Variants in PPP1R1C observed in about 807,000 individuals in gnomAD.
PPP1R1C encodes protein phosphatase 1 regulatory inhibitor subunit 1C.
Under a neutral mutation model 17.4 loss-of-function variants are expected in PPP1R1C, and 15 were observed. The observed-to-expected ratio is 0.86, with a 90% confidence interval of 0.58 to 1.33. The LOEUF (loss-of-function observed/expected upper bound fraction) is 1.33, where lower values mean the gene tolerates loss of function less well. Among genes scored for constraint, PPP1R1C ranks in the 40% most tolerant of loss-of-function variants. PPP1R1C has a pLI of 0.00. For missense variants in PPP1R1C, 143 were observed against 130.0 expected, an observed-to-expected ratio of 1.10 and a Z score of -0.48; for synonymous variants, 35 against 43.1, an observed-to-expected ratio of 0.81 and a Z score of 0.73.
intron 4 of PPP1R1C, among the ~76,000 whole-genome samples, chr2:182,083,493 T>G (rs1181447995): frequency 1.3e-5 from 2 of 152,210 alleles, no homozygotes; most frequent in South Asian, 2.1e-4. Flanking sequence ...TAGCTCCCTC[T>G]TGTAATCAGG....
chr2:182,018,683 T>C (rs1043492215), intron 2 of PPP1R1C, among the ~76,000 whole-genome samples: 6 of 152,198 alleles, frequency 3.9e-5, no homozygotes, highest in Non-Finnish European at 8.8e-5. Flanking sequence ...TAAATGAGGT[T>C]CAGTCTTGCA....
intron 2 of PPP1R1C, among the ~76,000 whole-genome samples, chr2:182,004,376 C>T (rs1685854001): frequency 6.6e-6 from 1 of 152,112 alleles, no homozygotes; most frequent in African/African-American, 2.4e-5. Context: ...GTTGAGGATT[C>T]ACAATGAAAG....
chr2:182,076,181 CTTTTTTTTTTCTTTTCTTTTTTTTTTTT>C (rs1373708635), intron 4 of PPP1R1C, among the ~76,000 whole-genome samples: 810 of 47,498 alleles, frequency 0.017, 47 homozygotes, highest in Admixed American at 0.088. Context: ...GGATTTTGAA[CTTTTTTTTTTCTTTTCTTTTTTTTTTTT>C]TTTTTTTTTT....
At chr2:182,038,100 T>C (rs138338217) in intron 2 of PPP1R1C, among the ~76,000 whole-genome samples, 3,201 of 152,212 alleles carry the variant, frequency 0.021, 36 homozygotes, top group Non-Finnish European at 0.031. Flanking sequence ...TGCAGTGGCC[T>C]GATCATGGCT....
chr2:182,026,827 T>C (rs1336681523), intron 2 of PPP1R1C, among the ~76,000 whole-genome samples: 17 of 151,000 alleles, frequency 1.1e-4, no homozygotes, highest in East Asian at 5.8e-4. Flanking sequence ...CGATATTGAT[T>C]CTTCCTACCC....
intron 1 of PPP1R1C, among the ~76,000 whole-genome samples, chr2:181,963,005 T>C (rs1684831269): frequency 1.3e-5 from 2 of 152,164 alleles, no homozygotes; most frequent in African/African-American, 4.8e-5. Flanking sequence ...AGACTCTAAA[T>C]AAAAGTTATT....
At chr2:181,965,311 A>G (rs1302480813) in intron 1 of PPP1R1C, among the ~76,000 whole-genome samples, 1 of 152,016 alleles carries the variant, frequency 6.6e-6, no homozygotes, top group Non-Finnish European at 1.5e-5. Flanking sequence ...ATGTGATCCT[A>G]TTTATCCATT....
In PPP1R1C at chr2:182,117,520, A is replaced by T. The variant is rs188284442; in HGVS notation, c.*225A>T. 1.6e-3 allele frequency: 660 copies of T among 420,516 alleles called. 4 individuals carry two copies. The highest frequency in any genetic ancestry group is 3.4e-4 in the Non-Finnish European group (79 of 233,484). 26.0% of individuals were successfully genotyped at this position (420,516 alleles called of 1,614,324 possible). A position where few individuals can be genotyped will look rare whatever the true frequency, so the allele number is the denominator to read the frequency against. On this transcript the variant is annotated 3_prime_UTR_variant, in exon 5 of 5. Coordinates refer to ENST00000682840, the MANE Select transcript of PPP1R1C (RefSeq NM_001080545.3). ...ATTAAAGAATAAGCATTTATTTTACAGTGATTCTTCTTTTTAACTATGTAA... is the reference window on the plus strand; with the variant it reads ...ATTAAAGAATAAGCATTTATTTTACTGTGATTCTTCTTTTTAACTATGTAA...
At chr2:182,086,091 A>G (rs966019063) in intron 4 of PPP1R1C, among the ~76,000 whole-genome samples, 75 of 152,288 alleles carry the variant, frequency 4.9e-4, no homozygotes, top group African/African-American at 1.6e-3. Flanking sequence ...AAACATGAGA[A>G]ACAGGATTAT....
rs1684816022 is a variant in PPP1R1C at position 181,962,379 on chromosome 2, TG to T, written n.111+7747del. On this transcript the variant is annotated intron_variant and non_coding_transcript_variant, in intron 1 of 5. Transcript: ENST00000464264. This position sits in a 1 kb window ranked among gnomAD's most constrained non-coding sequence, Gnocchi z 6.0. ...GAGCCCCCGGCGCCTGCATAGACGC[TG>T]GCCATGCAGCTGGCCGGCCGGGCGC... is the stretch of plus-strand genomic sequence containing the variant. 1 of 855,122 alleles carries T rather than the reference TG, an allele frequency of 1.2e-6. No homozygotes were observed. Among genetic ancestry groups the T allele is most frequent in the Admixed American group, 1.9e-5 (1 of 53,214 alleles). The allele number at this position is 855,122 out of a possible 1,614,324, so 53.0% of individuals were successfully genotyped here.
In PPP1R1C at chr2:181,965,172, T is replaced by C. The variant is rs545143155; in HGVS notation, n.112-10047T>C. Among the ~76,000 whole-genome samples, 3 of 152,378 alleles carry C rather than the reference T, an allele frequency of 2.0e-5. No homozygotes were observed. The South Asian group carries it at 6.2e-4, about 32-fold the overall frequency. On this transcript the variant is annotated intron_variant and non_coding_transcript_variant, in intron 1 of 5. Coordinates refer to the PPP1R1C transcript ENST00000464264. ...TAGATTTTTTTCCTATAGAGTTGTT[T>C]GAGCTCCTTATATTTTTGTTATTAA...
intron 2 of PPP1R1C, among the ~76,000 whole-genome samples, chr2:182,034,572 T>A (rs1686945588): frequency 6.6e-6 from 1 of 152,210 alleles, no homozygotes; most frequent in African/African-American, 2.4e-5. Context: ...TCTCCACAAA[T>A]AGACTATAAA....
intron 4 of PPP1R1C, among the ~76,000 whole-genome samples, chr2:182,085,331 G>T (rs1245130903): frequency 6.6e-6 from 1 of 151,858 alleles, no homozygotes; most frequent in Admixed American, 6.6e-5. Flanking sequence ...TACTTTGCAA[G>T]TTTTCCCTCT....
intron 3 of PPP1R1C, among the ~76,000 whole-genome samples, chr2:182,062,277 C>A (rs546327637): frequency 3.7e-4 from 56 of 152,152 alleles, no homozygotes; most frequent in African/African-American, 1.3e-3. Flanking sequence ...AGTGGAAAAG[C>A]TTTCAAAACT....
intron 1 of PPP1R1C, among the ~76,000 whole-genome samples, chr2:181,965,479 G>A (rs1684889932): frequency 6.6e-6 from 1 of 152,114 alleles, no homozygotes; most frequent in African/African-American, 2.4e-5. Context: ...TTTGTACATG[G>A]CAAGAGATAG....
At chr2:182,101,912 A>T (rs944792947) in intron 4 of PPP1R1C, among the ~76,000 whole-genome samples, 2 of 152,204 alleles carry the variant, frequency 1.3e-5, no homozygotes, top group African/African-American at 4.8e-5. Flanking sequence ...GCACTCCTTC[A>T]ATGTCTGCTG....
rs1274744812 is a variant in PPP1R1C, at chr2:182,117,371, C to G, written c.*76C>G. 9.5e-7 allele frequency: 1 copy of G among 1,055,724 alleles called. No individual in the cohort carries two copies. Among genetic ancestry groups the G allele is most frequent in the African/African-American group, 1.6e-5 (1 of 61,280 alleles). The allele number at this position is 1,055,724 out of a possible 1,614,324, so 65.4% of individuals were successfully genotyped here. A position where few individuals can be genotyped will look rare whatever the true frequency, so the allele number is the denominator to read the frequency against. ...TTTCTGAGTATACCATGGAATTCCACTGCTTGACTTCCAGAAGCATCCTCC... is the reference window on the plus strand; with the variant it reads ...TTTCTGAGTATACCATGGAATTCCAGTGCTTGACTTCCAGAAGCATCCTCC... On this transcript the variant is annotated 3_prime_UTR_variant, in exon 5 of 5. Coordinates refer to ENST00000682840, the MANE Select transcript of PPP1R1C (RefSeq NM_001080545.3).
At chr2:181,986,303 A>G in intron 1 of PPP1R1C, 112 bp downstream of exon 1, 1 of 809,446 alleles carries the variant, frequency 1.2e-6, no homozygotes, top group Non-Finnish European at 2.1e-6. Flanking sequence ...TCTGACTTTC[A>G]AGATAATGTA....
chr2:182,040,711 A>G (rs1687156573), intron 2 of PPP1R1C, among the ~76,000 whole-genome samples: 1 of 152,170 alleles, frequency 6.6e-6, no homozygotes, highest in Non-Finnish European at 1.5e-5. Context: ...TTGAGGTCTT[A>G]GTCATGAATT....
Sources: gnomAD v4.1 joint callset for allele counts (sites outside exome capture counted in the v4.1 genomes callset) on GRCh38, gnomAD v4.1.1 for gene constraint, Gnocchi (gnomAD v3.1) non-coding constraint, MANE v1.5 for transcripts, NCBI Gene and HGNC (gene_info 2026-07-23, HGNC 2026-07-21) for gene names.